The following DMD variants were observed in gnomAD, a reference collection of about 807,000 sequenced individuals.
DMD encodes mutant dystrophin.
A neutral mutation model predicts 330.1 loss-of-function variants in DMD; 63 were observed. The observed-to-expected ratio is 0.19, with a 90% CI of 0.16 to 0.24. The LOEUF (loss-of-function observed/expected upper bound fraction) is 0.24. Ranked by LOEUF, DMD falls within the 10% of genes least tolerant of loss-of-function variation. DMD has a pLI of 1.00. For missense variants in DMD, 3,344 were observed against 2,684.1 expected (o/e 1.25, Z -5.43); for synonymous variants, 1,223 against 959.8 (o/e 1.27, Z -5.07).
chrX:32,252,080 A>T (rs2097265672), intron 43 of DMD, among the ~76,000 whole-genome samples: 1 of 111,900 alleles, frequency 8.9e-6, no homozygotes, highest in Non-Finnish European at 1.9e-5. Context: ...GATAAAATCT[A>T]TACTTATTTT....
intron 11 of DMD, among the ~76,000 whole-genome samples, chrX:32,631,151 A>G (rs1419622226): frequency 9.0e-6 from 1 of 111,700 alleles, no homozygotes; most frequent in Admixed American, 9.5e-5. Flanking sequence ...TACCTGGTAG[A>G]TAATCTTTTT....
intron 44 of DMD, among the ~76,000 whole-genome samples, chrX:32,108,105 A>G (rs2096573131): frequency 9.0e-6 from 1 of 111,606 alleles, no homozygotes; most frequent in African/African-American, 3.3e-5. Flanking sequence ...GTGACCGGAA[A>G]CAAGAAAATA....
intron 34 of DMD, among the ~76,000 whole-genome samples, chrX:32,375,450 C>CA (rs2097898207): frequency 8.9e-6 from 1 of 112,063 alleles, no homozygotes; most frequent in African/African-American, 3.2e-5. Context: ...CGTTATCTTA[C>CA]AGAACCTGGC....
Position 32,156,960 on chromosome X carries a change from A to C in DMD, c.6438+59956T>G, listed in dbSNP as rs139639275. ...TGGAAGCAATCTCCGCCAAGCGCCT[A>C]TTTACAGGCACAGGTGTGTGCCTAT... On this transcript the variant is annotated intron_variant, in intron 44 of 78. Coordinates refer to ENST00000357033, the MANE Select transcript of DMD (RefSeq NM_004006.3). 6.5e-3 allele frequency among the ~76,000 whole-genome samples: 730 copies of C among 111,760 alleles called. 8 individuals carry two copies. The highest frequency in any genetic ancestry group is 0.019 in the African/African-American group (581 of 30,743).
chrX:32,538,855 A>C (rs111918607), intron 17 of DMD, among the ~76,000 whole-genome samples: 35 of 110,907 alleles, frequency 3.2e-4, no homozygotes, highest in African/African-American at 1.1e-3. Context: ...ATGGTGTATA[A>C]GTATCACCGA....
chrX:32,684,113 G>A lies in DMD; in HGVS notation c.960+13757C>T, dbSNP rs1208453730. ...TATGAGGATGAGACTAGGGAAATAG[G>A]CACAGAGATAAAGTGCTGTTAGAGA... On this transcript the variant is annotated intron_variant, in intron 9 of 78. Transcript: ENST00000357033. Among the ~76,000 whole-genome samples, 6 of 106,935 alleles carry A rather than the reference G, an allele frequency of 5.6e-5. No individual in the cohort carries two copies. In the East Asian group the frequency reaches 1.8e-3, roughly 32 times the overall value. The allele number at this position is 106,935 out of a possible 115,157, so 92.9% of individuals were successfully genotyped here. A position where few individuals can be genotyped will look rare whatever the true frequency, so the allele number is the denominator to read the frequency against.
intron 47 of DMD, among the ~76,000 whole-genome samples, chrX:31,908,574 G>C (rs948649333): frequency 1.6e-4 from 17 of 108,833 alleles, no homozygotes; most frequent in African/African-American, 4.7e-4. Context: ...GTCGTGGGGT[G>C]GGGGGCTGGG....
intron 12 of DMD, among the ~76,000 whole-genome samples, chrX:32,610,032 G>A (rs1337159322): frequency 9.0e-6 from 1 of 111,202 alleles, no homozygotes; most frequent in African/African-American, 3.2e-5. Flanking sequence ...ATTAATGAAA[G>A]CTCAAGGCTT....
chrX:32,091,667 T>C (rs1381554805), intron 44 of DMD, among the ~76,000 whole-genome samples: 2 of 111,853 alleles, frequency 1.8e-5, no homozygotes, highest in East Asian at 5.6e-4. Flanking sequence ...ACTGAAAACA[T>C]ACACTAGAAG....
intron 43 of DMD, among the ~76,000 whole-genome samples, chrX:32,245,909 C>T (rs1461716284): frequency 2.9e-5 from 3 of 102,216 alleles, no homozygotes; most frequent in African/African-American, 1.1e-4. Flanking sequence ...CGTCTGCAAA[C>T]AGGGACAATT....
At chrX:31,410,307 G>C (rs2061581162) in intron 60 of DMD, among the ~76,000 whole-genome samples, 1 of 111,849 alleles carries the variant, frequency 8.9e-6, no homozygotes, top group Non-Finnish European at 1.9e-5. Context: ...GTACCACTAG[G>C]TATGATATAA....
intron 9 of DMD, among the ~76,000 whole-genome samples, chrX:32,695,027 C>A (rs746307405): frequency 8.9e-6 from 1 of 112,130 alleles, no homozygotes; most frequent in East Asian, 2.8e-4. Context: ...AATTAGAATA[C>A]TTTCAGACAC....
intron 61 of DMD, among the ~76,000 whole-genome samples, chrX:31,334,556 G>C (rs759156694): frequency 1.8e-5 from 2 of 111,221 alleles, no homozygotes; most frequent in Non-Finnish European, 3.8e-5. Flanking sequence ...TTTTGTGATT[G>C]GTATTTAAAT....
At chrX:31,165,423 A>C (rs1026086812) in intron 74 of DMD, among the ~76,000 whole-genome samples, 2 of 112,196 alleles carry the variant, frequency 1.8e-5, no homozygotes, top group African/African-American at 3.2e-5. Flanking sequence ...GTTAATATTT[A>C]GCCACCTTGT....
At chrX:32,405,030 C>T (rs898521776) in intron 30 of DMD, among the ~76,000 whole-genome samples, 5 of 111,681 alleles carry the variant, frequency 4.5e-5, no homozygotes, top group African/African-American at 1.6e-4. Context: ...CCCATTGAAA[C>T]GTTGACACAG....
At chrX:33,083,575 C>CT (rs919540115) in intron 1 of DMD, among the ~76,000 whole-genome samples, 1 of 111,516 alleles carries the variant, frequency 9.0e-6, no homozygotes, top group African/African-American at 3.3e-5. Flanking sequence ...GGAGGGTTCT[C>CT]TGAGTTAGGC....
At chrX:33,283,401 G>A (rs762059534) in intron 1 of DMD, among the ~76,000 whole-genome samples, 22 of 109,967 alleles carry the variant, frequency 2.0e-4, no homozygotes, top group Admixed American at 1.2e-3. Flanking sequence ...TTAGCCGAGC[G>A]TGGTGGTGGG....
chrX:32,950,964 G>T (rs1174061654), intron 2 of DMD, among the ~76,000 whole-genome samples: 1 of 111,324 alleles, frequency 9.0e-6, no homozygotes, highest in Non-Finnish European at 1.9e-5. Flanking sequence ...TTCGCAGGTG[G>T]TACTTGGTTG....
intron 74 of DMD, among the ~76,000 whole-genome samples, chrX:31,168,740 C>T (rs1457315225): frequency 9.0e-6 from 1 of 111,606 alleles, no homozygotes; most frequent in Non-Finnish European, 1.9e-5. Context: ...CTTTTTAAAC[C>T]AAGGGACCTG....
Sources: allele counts gnomAD v4.1 joint callset (sites outside exome capture counted in the v4.1 genomes callset), GRCh38; gene constraint gnomAD v4.1.1; transcripts MANE v1.5; gene names NCBI Gene and HGNC (gene_info 2026-07-23, HGNC 2026-07-21).